Variants in EPB41L3 observed in about 807,000 individuals in gnomAD.
EPB41L3 encodes the protein erythrocyte membrane protein band 4.1 like 3, also known as band 4.1-like protein 3.
Under a neutral mutation model 127.1 loss-of-function variants are expected in EPB41L3, and 57 were observed. The ratio of observed to expected loss-of-function variants is 0.45; its 90% CI spans 0.36 to 0.56. The LOEUF (loss-of-function observed/expected upper bound fraction) is 0.56. Ranked by LOEUF, EPB41L3 falls within the 20% of genes least tolerant of loss-of-function variation. The pLI is 0.00. For missense variants in EPB41L3, 1,273 were observed against 1,372.2 expected (o/e 0.93, Z 1.14); for synonymous variants, 572 against 549.5 (o/e 1.04, Z -0.57).
At chr18:5,544,863 A>C (rs549461006), upstream of EPB41L3, among the ~76,000 whole-genome samples, 1 of 152,198 alleles carries the variant, frequency 6.6e-6, no homozygotes, top group African/African-American at 2.4e-5. Flanking sequence ...TGATTATTAC[A>C]CATTGCATGC....
chr18:5,444,943 T>C (rs2081276927), intron 4 of EPB41L3, among the ~76,000 whole-genome samples, 197 bp downstream of exon 4: 1 of 152,098 alleles, frequency 6.6e-6, no homozygotes, highest in Non-Finnish European at 1.5e-5. Context: ...TACCAGAATA[T>C]TCAAGATTAA....
At chr18:5,459,791 A>G (rs1159729922) in intron 3 of EPB41L3, among the ~76,000 whole-genome samples, 2 of 152,258 alleles carry the variant, frequency 1.3e-5, no homozygotes, top group Non-Finnish European at 2.9e-5. Flanking sequence ...GAATGCAATC[A>G]AAATGTATCC....
rs1407842019 is a variant in EPB41L3, at chr18:5,394,430, A to T, written c.*6+247T>A. 1.0e-5 allele frequency: 4 copies of T among 390,306 alleles called. No homozygotes were observed. In the East Asian group the frequency reaches 1.6e-4, roughly 16 times the overall value. The allele number at this position is 390,306 out of a possible 1,614,324, so 24.2% of individuals were successfully genotyped here. ...AAGGGAACACCAGGAAGACCACACA[A>T]GCATAGAAGCATAGACTCTGCTCTT... On this transcript the variant is annotated intron_variant, in intron 22 of 22. Coordinates refer to ENST00000341928, the MANE Select transcript of EPB41L3 (RefSeq NM_012307.5).
At chr18:5,520,564 A>T (rs1209830654) in intron 1 of EPB41L3, among the ~76,000 whole-genome samples, 2 of 151,978 alleles carry the variant, frequency 1.3e-5, no homozygotes, top group African/African-American at 2.4e-5. Context: ...AAATAAAAAA[A>T]AAAAAAAAAA....
chr18:5,611,538 A>C (rs959284283), intron 3 of EPB41L3, among the ~76,000 whole-genome samples: 31 of 152,242 alleles, frequency 2.0e-4, no homozygotes, highest in Non-Finnish European at 3.8e-4. Flanking sequence ...TCTGGAGATT[A>C]GTTGTAAAAC....
chr18:5,403,646 CA>C (rs2074893867), intron 16 of EPB41L3, among the ~76,000 whole-genome samples: 1 of 149,146 alleles, frequency 6.7e-6, no homozygotes, highest in South Asian at 2.1e-4. Flanking sequence ...AGTTTGGGGT[CA>C]CCAAATCTAA....
chr18:5,494,308 C>T (rs1489696107), intron 1 of EPB41L3, among the ~76,000 whole-genome samples: 2 of 152,116 alleles, frequency 1.3e-5, no homozygotes, highest in African/African-American at 4.8e-5. Flanking sequence ...CTCCCTATGC[C>T]TAACTCCAAT....
intron 3 of EPB41L3, among the ~76,000 whole-genome samples, chr18:5,593,172 C>T (rs9962915): frequency 0.4 from 60,307 of 150,924 alleles, 12,800 homozygotes; most frequent in Non-Finnish European, 0.47. Flanking sequence ...GACACGGTTC[C>T]GATGCATAAT....
At chr18:5,474,604 AC>A (rs2086806263) in intron 3 of EPB41L3, among the ~76,000 whole-genome samples, 1 of 152,026 alleles carries the variant, frequency 6.6e-6, no homozygotes, top group Non-Finnish European at 1.5e-5. Flanking sequence ...ATGGAGAAAA[AC>A]ATCACAATTT....
intron 1 of EPB41L3, among the ~76,000 whole-genome samples, chr18:5,526,767 A>G (rs1426189995): frequency 6.6e-6 from 1 of 152,188 alleles, no homozygotes; most frequent in Non-Finnish European, 1.5e-5. Flanking sequence ...AAAACCACCA[A>G]TATCTATCTT....
chr18:5,591,796 A>C (rs1656929537), intron 3 of EPB41L3, among the ~76,000 whole-genome samples: 1 of 152,240 alleles, frequency 6.6e-6, no homozygotes, highest in Admixed American at 6.5e-5. Flanking sequence ...GAAATCAACA[A>C]AAACTTTCAA....
chr18:5,413,030 A>C (rs922778276), intron 13 of EPB41L3, among the ~76,000 whole-genome samples: 6 of 152,184 alleles, frequency 3.9e-5, no homozygotes, highest in Admixed American at 1.3e-4. Flanking sequence ...AGAGTCAATA[A>C]ATGAATAAGG....
At position 5,404,957 on chromosome 18, in the gene EPB41L3, A is replaced by G. The variant is rs560868630; in HGVS notation, c.2349+1820T>C. 2.6e-5 allele frequency among the ~76,000 whole-genome samples: 4 copies of G among 152,332 alleles called. No individual in the cohort carries two copies. In the South Asian group the frequency reaches 8.3e-4, roughly 32 times the overall value. On this transcript the variant is annotated intron_variant, in intron 16 of 22. Transcript: ENST00000341928. ...TTATATTTAAATCAATCAATGTGAA[A>G]TTTGTCTCTTGAAACTCAGTAGTTT...
intron 1 of EPB41L3, among the ~76,000 whole-genome samples, chr18:5,622,781 C>T (rs4798381): frequency 0.24 from 36,611 of 151,834 alleles, 4,617 homozygotes; most frequent in African/African-American, 0.28. Context: ...TTTAGCTCTG[C>T]AGAATGCTGT....
chr18:5,491,252 G>A (rs1346827953), intron 1 of EPB41L3, among the ~76,000 whole-genome samples: 1 of 152,192 alleles, frequency 6.6e-6, no homozygotes, highest in African/African-American at 2.4e-5. Flanking sequence ...GGGAATGACA[G>A]AGCCACCCCT....
intron 2 of EPB41L3, chr18:5,481,106 C>T (rs2088403548): frequency 6.6e-6 from 1 of 152,172 alleles, no homozygotes; most frequent in Non-Finnish European, 1.5e-5. Context: ...TGCTCTCCAT[C>T]ACAAAGCATC....
intron 1 of EPB41L3, among the ~76,000 whole-genome samples, chr18:5,501,309 G>GAA (rs59933322): frequency 3.3e-5 from 5 of 150,904 alleles, no homozygotes; most frequent in Admixed American, 6.6e-5. Flanking sequence ...ATGAATGAAT[G>GAA]TATCAGCTTC....
At position 5,395,621 on chromosome 18, in the gene EPB41L3, C is replaced by A. The variant is rs375353039; in HGVS notation, c.3060G>T (p.Thr1020=). 3 of 1,613,838 alleles carry A rather than the reference C, an allele frequency of 1.9e-6. No homozygotes were observed. The highest frequency in any genetic ancestry group is 2.5e-6 in the Non-Finnish European group (3 of 1,179,762). ...TCACTCCACTTACTTTGGTGATGTG[C>A]GTAGTGGTGGTGGTACTGGTGGTTT... ...TSETTSTTTT[T]HITKTVKGGI... Residue 1020 remains threonine (T), a synonymous_variant, in exon 20 of 23, where the codon ACG becomes ACT. Transcript: ENST00000341928.
chr18:5,545,844 G>A (rs1324766390), upstream of EPB41L3, among the ~76,000 whole-genome samples: 1 of 150,072 alleles, frequency 6.7e-6, no homozygotes, highest in East Asian at 2.0e-4. Flanking sequence ...AGACATATAT[G>A]CACATATCAC....
Sources: allele counts gnomAD v4.1 joint callset (sites outside exome capture counted in the v4.1 genomes callset), GRCh38; gene constraint gnomAD v4.1.1; transcripts MANE v1.5; gene names NCBI Gene and HGNC (gene_info 2026-07-23, HGNC 2026-07-21).